The following GRM7 variants were observed in gnomAD, a reference collection of about 807,000 sequenced individuals.
GRM7 encodes the protein glutamate metabotropic receptor 7.
GRM7 carries 35 observed loss-of-function variants against 84.5 expected under a neutral mutation model. The ratio of observed to expected loss-of-function variants is 0.41; its 90% CI spans 0.32 to 0.55. GRM7 has a LOEUF of 0.55. Among genes scored for constraint, GRM7 ranks in the 20% least tolerant of loss-of-function variants. The probability of loss-of-function intolerance (pLI) is 0.19; values close to 1 mark genes in which losing one functional copy is unlikely to be tolerated. For missense variants in GRM7, 1,003 were observed against 1,194.6 expected (o/e 0.84, Z 2.36); for synonymous variants, 487 against 455.1 (o/e 1.07, Z -0.89).
chr3:7,040,779 CA>C (rs1278922705), intron 1 of GRM7, among the ~76,000 whole-genome samples: 1 of 151,724 alleles, frequency 6.6e-6, no homozygotes, highest in African/African-American at 2.4e-5. Context: ...TCAGAATATT[CA>C]TTTTAAAAAT....
At chr3:6,875,304 G>A (rs1003679039) in intron 1 of GRM7, among the ~76,000 whole-genome samples, 15 of 151,428 alleles carry the variant, frequency 9.9e-5, no homozygotes, top group African/African-American at 2.4e-4. Flanking sequence ...GGCTGTGTCC[G>A]CAACATCCAA....
chr3:7,209,102 G>T (rs1217545204), intron 2 of GRM7, among the ~76,000 whole-genome samples: 2 of 152,144 alleles, frequency 1.3e-5, no homozygotes, highest in Non-Finnish European at 2.9e-5. Flanking sequence ...GTTGAGCAAA[G>T]TTATCTGTTT....
intron 1 of GRM7, among the ~76,000 whole-genome samples, chr3:7,083,746 A>G (rs1698348034): frequency 6.6e-6 from 1 of 152,164 alleles, no homozygotes; most frequent in Non-Finnish European, 1.5e-5. Flanking sequence ...AGCAAGAAAT[A>G]AATAGCACAT....
At chr3:7,726,584 A>G (rs1022213332) in intron 9 of GRM7, among the ~76,000 whole-genome samples, 7 of 132,580 alleles carry the variant, frequency 5.3e-5, no homozygotes, top group African/African-American at 1.9e-4. Context: ...ACATGTTGCC[A>G]TATTCATTTT....
At chr3:7,329,003 T>C (rs528459831) in intron 4 of GRM7, among the ~76,000 whole-genome samples, 2 of 152,208 alleles carry the variant, frequency 1.3e-5, no homozygotes, top group East Asian at 3.9e-4. Flanking sequence ...TTAGCTTTGA[T>C]AAAGAACCAT....
At chr3:7,136,947 C>G (rs1201542912) in intron 1 of GRM7, among the ~76,000 whole-genome samples, 1 of 152,064 alleles carries the variant, frequency 6.6e-6, no homozygotes, top group Non-Finnish European at 1.5e-5. Context: ...TCCAGAAGAA[C>G]CCATCAATTG....
At chr3:7,173,875 T>C (rs573800997) in intron 2 of GRM7, among the ~76,000 whole-genome samples, 1 of 152,362 alleles carries the variant, frequency 6.6e-6, no homozygotes, top group South Asian at 2.1e-4. Context: ...TATCCCTAAT[T>C]GCCATTAAGA....
intron 7 of GRM7, among the ~76,000 whole-genome samples, chr3:7,553,560 G>T (rs971568502): frequency 1.2e-4 from 19 of 152,162 alleles, no homozygotes; most frequent in African/African-American, 3.6e-4. Flanking sequence ...GTTCAGCATG[G>T]CTGGGGAGGC....
chr3:7,436,979 A>G (rs942704895), intron 5 of GRM7, among the ~76,000 whole-genome samples: 4 of 152,074 alleles, frequency 2.6e-5, no homozygotes, highest in African/African-American at 9.7e-5. Context: ...GTTTTTGGAG[A>G]TCACTTCATG....
intron 8 of GRM7, among the ~76,000 whole-genome samples, chr3:7,579,780 T>C (rs1168220453): frequency 3.9e-5 from 6 of 152,200 alleles, no homozygotes; most frequent in Admixed American, 2.0e-4. Context: ...GTAAATGCTC[T>C]CTCGCTCTTC....
chr3:6,975,776 T>C (rs1371659518), intron 1 of GRM7, among the ~76,000 whole-genome samples: 2 of 152,176 alleles, frequency 1.3e-5, no homozygotes, highest in Non-Finnish European at 2.9e-5. Flanking sequence ...AACCCACAAA[T>C]AGGACATGAT....
chr3:7,648,634 GT>G (rs1482505226), intron 8 of GRM7, among the ~76,000 whole-genome samples: 2 of 149,972 alleles, frequency 1.3e-5, no homozygotes, highest in Non-Finnish European at 2.9e-5. Context: ...GGGTGACAGA[GT>G]GATACTCCGT....
chr3:7,384,437 A>G (rs997337837), intron 4 of GRM7, among the ~76,000 whole-genome samples: 1 of 152,208 alleles, frequency 6.6e-6, no homozygotes, highest in African/African-American at 2.4e-5. Flanking sequence ...GTTTGTGCCA[A>G]TGCTGTCCAA....
At chr3:7,640,811 C>A (rs1188276076) in intron 8 of GRM7, among the ~76,000 whole-genome samples, 1 of 152,092 alleles carries the variant, frequency 6.6e-6, no homozygotes, top group African/African-American at 2.4e-5. Flanking sequence ...GGGTAAAGGA[C>A]AAATTGCTTT....
intron 1 of GRM7, among the ~76,000 whole-genome samples, chr3:7,095,769 T>C (rs949906813): frequency 1.3e-5 from 2 of 152,162 alleles, no homozygotes; most frequent in African/African-American, 2.4e-5. Context: ...CCATATTTTT[T>C]TCTAGTCTGC....
At chr3:7,108,706 G>A (rs919413468) in intron 1 of GRM7, among the ~76,000 whole-genome samples, 4 of 152,010 alleles carry the variant, frequency 2.6e-5, no homozygotes, top group African/African-American at 9.7e-5. Context: ...GCTACTTCGG[G>A]CAAGTAAGTA....
chr3:6,956,514 A>G, intron 1 of GRM7: 1 of 454,056 alleles, frequency 2.2e-6, no homozygotes, highest in African/African-American at 2.0e-5. Flanking sequence ...TGAGAAGAAA[A>G]CCAGAGAGAT....
At position 7,631,356 on chromosome 3, in the gene GRM7, G is replaced by A. The variant is rs149274589; in HGVS notation, c.2452-48693G>A. ...GGAGTATTCAGGAGCCGCACAGAAGGATGTTTATTTCAACAGAGACCACCA... is the reference window on the plus strand; with the variant it reads ...GGAGTATTCAGGAGCCGCACAGAAGAATGTTTATTTCAACAGAGACCACCA... On this transcript the variant is annotated intron_variant, in intron 8 of 9. Coordinates refer to ENST00000357716, the MANE Select transcript of GRM7 (RefSeq NM_000844.4). 5.2e-5 allele frequency among the ~76,000 whole-genome samples: 7 copies of A among 133,848 alleles called. No individual in the cohort carries two copies. In the East Asian group the frequency reaches 1.8e-3, roughly 34 times the overall value. 87.8% of individuals were successfully genotyped at this position (133,848 alleles called of 152,430 possible). A position where few individuals can be genotyped will look rare whatever the true frequency, so the allele number is the denominator to read the frequency against.
intron 2 of GRM7, among the ~76,000 whole-genome samples, chr3:7,223,112 C>T (rs1303008620): frequency 6.6e-6 from 1 of 151,762 alleles, no homozygotes; most frequent in Non-Finnish European, 1.5e-5. Context: ...TATATAGGTG[C>T]TTTTTTTTCC....
Sources: gnomAD v4.1 joint callset for allele counts (sites outside exome capture counted in the v4.1 genomes callset) on GRCh38, gnomAD v4.1.1 for gene constraint, MANE v1.5 for transcripts, NCBI Gene and HGNC (gene_info 2026-07-23, HGNC 2026-07-21) for gene names.